Variants in ADGRD1 observed in about 807,000 individuals in gnomAD.
ADGRD1 encodes G-protein coupled receptor 133.
Under a neutral mutation model 113.4 loss-of-function variants are expected in ADGRD1, and 77 were observed. That is an observed-to-expected ratio of 0.68 (90% CI 0.57 to 0.82). The LOEUF (loss-of-function observed/expected upper bound fraction) is 0.82, where lower values mean the gene tolerates loss of function less well. ADGRD1 is among the 40% of genes least tolerant of loss of function. The probability of loss-of-function intolerance (pLI) is 0.00; values close to 1 mark genes in which losing one functional copy is unlikely to be tolerated. For synonymous variants in ADGRD1, 474 were observed against 475.0 expected (o/e 1.00, Z 0.03); for missense variants, 1,036 against 1,139.1 (o/e 0.91, Z 1.30).
intron 18 of ADGRD1, among the ~76,000 whole-genome samples, chr12:131,111,487 T>TA (rs1303511219): frequency 6.6e-6 from 1 of 152,248 alleles, no homozygotes; most frequent in African/African-American, 2.4e-5. Context: ...AAATACTTTT[T>TA]ATGTTCCTTT....
rs565822971 is a variant in ADGRD1 at position 131,003,344 on chromosome 12, G to C, written c.1144+42G>C. 4 of 1,372,854 alleles carry C rather than the reference G, an allele frequency of 2.9e-6. No individual in the cohort carries two copies. The highest frequency in any genetic ancestry group is 1.7e-5 in the Admixed American group (1 of 59,726). 85.0% of individuals were successfully genotyped at this position (1,372,854 alleles called of 1,614,324 possible). A position where few individuals can be genotyped will look rare whatever the true frequency, so the allele number is the denominator to read the frequency against. ...AGGGTGAGCCACATGGCAGGGGCGG[G>C]GGCTGGAGGCTGCGTTTCACTGCCT... On this transcript the variant is annotated intron_variant, in intron 10 of 24. Transcript: ENST00000261654. This position sits in a 1 kb window ranked among gnomAD's most constrained non-coding sequence, Gnocchi z 4.8.
At chr12:131,128,331 A>G (rs1950799460) in intron 20 of ADGRD1, among the ~76,000 whole-genome samples, 1 of 151,866 alleles carries the variant, frequency 6.6e-6, no homozygotes, top group Non-Finnish European at 1.5e-5. Flanking sequence ...CACTCACTCA[A>G]GTTGCTCGAG....
chr12:131,010,902 A>G (rs1363892875), intron 12 of ADGRD1, among the ~76,000 whole-genome samples: 1 of 152,112 alleles, frequency 6.6e-6, no homozygotes, highest in African/African-American at 2.4e-5. Flanking sequence ...GTGCCCTGGT[A>G]GGCTGAGGGA....
intron 4 of ADGRD1, 69 bp from the exon 5 acceptor site, chr12:130,981,815 G>C: frequency 9.8e-7 from 1 of 1,020,042 alleles, no homozygotes; most frequent in Non-Finnish European, 1.5e-6. Flanking sequence ...AAAGCAAAGA[G>C]AACCATGTGC....
intron 14 of ADGRD1, among the ~76,000 whole-genome samples, chr12:131,078,735 C>T (rs1014568008): frequency 6.6e-6 from 1 of 152,160 alleles, no homozygotes; most frequent in Non-Finnish European, 1.5e-5. Flanking sequence ...TAAAACATCA[C>T]AGATGATGTT....
chr12:131,042,608 C>G (rs1882250354), intron 13 of ADGRD1, among the ~76,000 whole-genome samples: 1 of 152,182 alleles, frequency 6.6e-6, no homozygotes, highest in African/African-American at 2.4e-5. Flanking sequence ...GAAACTCCCA[C>G]CAGGTAGCAG....
Position 131,003,266 on chromosome 12 carries a change from C to T in ADGRD1, c.1108C>T (p.Pro370Ser), listed in dbSNP as rs1876623264. The T allele has an allele frequency of 6.2e-7, 1 of 1,613,824 alleles. No homozygotes were observed. Among genetic ancestry groups the T allele is most frequent in the Non-Finnish European group, 8.5e-7 (1 of 1,179,834 alleles). ...ATCCTCCAACCTGCACGGCAGCACG[C>T]CCCAGGTCACCGTGGAGGGCTCCTC... is the stretch of plus-strand genomic sequence containing the variant. Reference protein sequence around the residue: ...HVSSNLHGSTPQVTVEGSSAM... With the variant: ...HVSSNLHGSTSQVTVEGSSAM... Residue 370 changes from proline (P) to serine (S), a missense_variant, in exon 10 of 25, where the codon CCC (proline) becomes TCC (serine). Pro to Ser is a moderately conservative substitution (Grantham distance 74). Coordinates refer to ENST00000261654, the MANE Select transcript of ADGRD1 (RefSeq NM_198827.5). This position sits in a 1 kb window ranked among gnomAD's most constrained non-coding sequence, Gnocchi z 4.8.
intron 2 of ADGRD1, among the ~76,000 whole-genome samples, chr12:130,958,884 G>A (rs571467886): frequency 5.3e-5 from 8 of 152,360 alleles, no homozygotes; most frequent in Admixed American, 2.0e-4. Flanking sequence ...AGAGCCCTGC[G>A]GTGGTGTCAC....
At chr12:131,026,176 G>T (rs1309808017) in intron 13 of ADGRD1, 1 of 152,292 alleles carries the variant, frequency 6.6e-6, no homozygotes, top group Non-Finnish European at 1.5e-5. Context: ...GCAGCCGCGG[G>T]TGTGGCTGGG....
rs181329381 is a variant in ADGRD1 at position 131,130,717 on chromosome 12, C to G, written c.2176-1008C>G. The stretch of plus-strand genomic sequence containing the variant: ...GTGCGGAACAGCGATGCTGGCCCAT[C>G]CCGTGCGGGGGAAGAGCGAGGCCGG... On this transcript the variant is annotated intron_variant, in intron 20 of 24. Transcript: ENST00000261654. Among the ~76,000 whole-genome samples, 28 of 151,230 alleles carry G rather than the reference C, an allele frequency of 1.9e-4. No homozygotes were observed. In the East Asian group the frequency reaches 4.7e-3, roughly 25 times the overall value.
intron 20 of ADGRD1, among the ~76,000 whole-genome samples, chr12:131,124,718 G>A (rs1950701619): frequency 6.6e-6 from 1 of 151,080 alleles, no homozygotes; most frequent in Non-Finnish European, 1.5e-5. Context: ...ACTGCCCACC[G>A]CCCCTTCTCG....
At chr12:131,055,950 G>A (rs1465655758) in intron 13 of ADGRD1, among the ~76,000 whole-genome samples, 1 of 152,188 alleles carries the variant, frequency 6.6e-6, no homozygotes, top group Non-Finnish European at 1.5e-5. Context: ...CAGCCACAGA[G>A]CTAGGCTGTA....
chr12:131,099,509 C>G (rs567664258), intron 15 of ADGRD1, among the ~76,000 whole-genome samples: 1 of 152,358 alleles, frequency 6.6e-6, no homozygotes, highest in South Asian at 2.1e-4. Flanking sequence ...ACTCTGTGGA[C>G]TTGAAAGCTG....
intron 3 of ADGRD1, chr12:130,969,315 C>G (rs115946241): frequency 1.9e-5 from 9 of 467,822 alleles, no homozygotes; most frequent in Admixed American, 3.9e-5. Context: ...GGCAGCAATC[C>G]GTAGCCTGTT....
chr12:131,123,039 G>GTTTTTTTTTTTTTTTTTTTTTTTTT (rs552353187), intron 20 of ADGRD1, among the ~76,000 whole-genome samples: 10 of 51,368 alleles, frequency 1.9e-4, no homozygotes, highest in East Asian at 5.7e-4. Flanking sequence ...TACCTGGGGA[G>GTTTTTTTTTTTTTTTTTTTTTTTTT]TTTTTTTTTT....
At chr12:131,010,791 C>G (rs1039480492) in intron 12 of ADGRD1, among the ~76,000 whole-genome samples, 2 of 152,126 alleles carry the variant, frequency 1.3e-5, no homozygotes, top group African/African-American at 4.8e-5. Context: ...GGGCCAGGAA[C>G]AAGAATGGGG....
In ADGRD1 at chr12:131,123,039, G is replaced by GTTTTT. The variant is rs552353187; in HGVS notation, c.2175+2156_2175+2160dup. The stretch of plus-strand genomic sequence containing the variant: ...ATTACATAATTGAATTACCTGGGGA[G>GTTTTT]TTTTTTTTTTTTTTTTTTTTTTTTT... On this transcript the variant is annotated intron_variant, in intron 20 of 24. Coordinates refer to ENST00000261654, the MANE Select transcript of ADGRD1 (RefSeq NM_198827.5). 2.0e-3 allele frequency among the ~76,000 whole-genome samples: 101 copies of GTTTTT among 51,340 alleles called. 2 individuals carry two copies. The highest frequency in any genetic ancestry group is 3.4e-3 in the East Asian group (6 of 1,754). 33.7% of individuals were successfully genotyped at this position (51,340 alleles called of 152,430 possible). A position where few individuals can be genotyped will look rare whatever the true frequency, so the allele number is the denominator to read the frequency against.
At chr12:131,089,032 C>A (rs552053585) in intron 15 of ADGRD1, among the ~76,000 whole-genome samples, 1 of 152,188 alleles carries the variant, frequency 6.6e-6, no homozygotes, top group Non-Finnish European at 1.5e-5. Context: ...CTCTGAGCAG[C>A]CCCAGGCACA....
At chr12:131,042,899 A>G (rs1882282165) in intron 13 of ADGRD1, among the ~76,000 whole-genome samples, 3 of 152,266 alleles carry the variant, frequency 2.0e-5, no homozygotes, top group African/African-American at 7.2e-5. Context: ...GCCTGCGGGC[A>G]CAGCTGGGCG....
Sources: allele counts gnomAD v4.1 joint callset (sites outside exome capture counted in the v4.1 genomes callset), GRCh38; gene constraint gnomAD v4.1.1; non-coding constraint Gnocchi (gnomAD v3.1); transcripts MANE v1.5; gene names NCBI Gene and HGNC (gene_info 2026-07-23, HGNC 2026-07-21).